The following KIAA0825 variants were observed in gnomAD, a reference collection of about 807,000 sequenced individuals.
KIAA0825 encodes uncharacterized protein KIAA0825.
A neutral mutation model predicts 147.6 loss-of-function variants in KIAA0825; 119 were observed. The ratio of observed to expected loss-of-function variants is 0.81; its 90% CI spans 0.69 to 0.94. KIAA0825 has a LOEUF of 0.94. Ranked by LOEUF, KIAA0825 falls within the 40% of genes least tolerant of loss-of-function variation. The pLI, the probability that KIAA0825 is intolerant of heterozygous loss-of-function variation, is 0.00. For missense variants in KIAA0825, 1,381 were observed against 1,472.7 expected (o/e 0.94, Z 1.02); for synonymous variants, 470 against 518.1 (o/e 0.91, Z 1.26).
intron 5 of KIAA0825, among the ~76,000 whole-genome samples, chr5:94,489,266 C>T (rs1041433030): frequency 1.3e-5 from 2 of 152,166 alleles, no homozygotes; most frequent in Non-Finnish European, 2.9e-5. Flanking sequence ...CGAAGTCCAT[C>T]TTTGGCTCTC....
intron 20 of KIAA0825, among the ~76,000 whole-genome samples, chr5:94,192,291 T>G (rs1017717183): frequency 6.6e-6 from 1 of 152,222 alleles, no homozygotes; most frequent in African/African-American, 2.4e-5. Flanking sequence ...TGTATAATAT[T>G]CTTGGCTTCA....
chr5:94,227,608 T>C (rs1481428246), intron 20 of KIAA0825, among the ~76,000 whole-genome samples: 1 of 144,530 alleles, frequency 6.9e-6, no homozygotes, highest in Non-Finnish European at 1.5e-5. Context: ...AAAAAGAAAA[T>C]ATGGCGCAAA....
chr5:94,466,556 A>AAGAAACCCCGTCTTTACTC (rs1190377668), intron 10 of KIAA0825, among the ~76,000 whole-genome samples: 11 of 151,908 alleles, frequency 7.2e-5, no homozygotes, highest in South Asian at 2.1e-4. Context: ...CGTCTCTACT[A>AAGAAACCCCGTCTTTACTC]AGAAACCCCA....
At chr5:94,477,250 A>T (rs1761998416) in intron 6 of KIAA0825, 45 bp from the exon 7 acceptor site, 1 of 1,247,118 alleles carries the variant, frequency 8.0e-7, no homozygotes, top group Non-Finnish European at 1.1e-6. Flanking sequence ...TATATTGTTT[A>T]AAAAGCATAC....
chr5:94,429,076 C>A (rs1216158454), intron 14 of KIAA0825, among the ~76,000 whole-genome samples: 3 of 151,956 alleles, frequency 2.0e-5, no homozygotes, highest in African/African-American at 4.8e-5. Flanking sequence ...ATATTTTGTT[C>A]TTTCTTAATT....
At chr5:94,168,905 A>C (rs1355767085) in intron 20 of KIAA0825, among the ~76,000 whole-genome samples, 1 of 152,222 alleles carries the variant, frequency 6.6e-6, no homozygotes, top group Non-Finnish European at 1.5e-5. Flanking sequence ...CCATATATTT[A>C]ACTGTTACAT....
intron 20 of KIAA0825, among the ~76,000 whole-genome samples, chr5:94,325,943 G>GT (rs925816445): frequency 5.9e-5 from 9 of 151,540 alleles, no homozygotes; most frequent in East Asian, 3.9e-4. Context: ...TAATATCAGA[G>GT]TTTTTTTTCA....
chr5:94,152,830 A>G lies in KIAA0825; in HGVS notation c.*1177T>C, dbSNP rs1393405099. 4.8e-5 allele frequency: 1 copy of G among 20,948 alleles called. No homozygotes were observed. Among genetic ancestry groups the G allele is most frequent in the Non-Finnish European group, 1.0e-4 (1 of 10,028 alleles). 1.3% of individuals were successfully genotyped at this position (20,948 alleles called of 1,614,324 possible). On this transcript the variant is annotated 3_prime_UTR_variant, in exon 21 of 21. Coordinates refer to ENST00000682413, the MANE Select transcript of KIAA0825 (RefSeq NM_001145678.3). ...ACCCTGTTTCTAAAATGAAAAAAAA[A>G]AAAAAAAAAAAAAAAAAAAAAAAAA...
At chr5:94,444,749 T>A (rs187344342) in intron 13 of KIAA0825, among the ~76,000 whole-genome samples, 3 of 152,184 alleles carry the variant, frequency 2.0e-5, no homozygotes, top group Admixed American at 2.0e-4. Flanking sequence ...GAATAAATTG[T>A]AACCAGCTAT....
At position 94,151,365 on chromosome 5, in the gene KIAA0825, C is replaced by T. The variant is rs560780184; in HGVS notation, c.*2642G>A. The stretch of plus-strand genomic sequence containing the variant: ...CCGGGAAGCGGAGCTTGCAGTGAGC[C>T]GAGATTGCGCCACTGCAGTCCGCAG... On this transcript the variant is annotated 3_prime_UTR_variant, in exon 21 of 21. Coordinates refer to ENST00000682413, the MANE Select transcript of KIAA0825 (RefSeq NM_001145678.3). Among the ~76,000 whole-genome samples, 356 of 136,052 alleles carry T rather than the reference C, an allele frequency of 2.6e-3. 1 individual carries two copies. The highest frequency in any genetic ancestry group is 9.3e-3 in the African/African-American group (335 of 36,012). The allele number at this position is 136,052 out of a possible 152,430, so 89.3% of individuals were successfully genotyped here. A position where few individuals can be genotyped will look rare whatever the true frequency, so the allele number is the denominator to read the frequency against.
intron 20 of KIAA0825, among the ~76,000 whole-genome samples, chr5:94,265,605 C>A (rs1776708323): frequency 6.6e-6 from 1 of 152,094 alleles, no homozygotes; most frequent in African/African-American, 2.4e-5. Context: ...TTGAGACCAG[C>A]CTGGCCAACA....
At chr5:94,312,220 G>GGTGT (rs142667357) in intron 20 of KIAA0825, among the ~76,000 whole-genome samples, 4,672 of 149,416 alleles carry the variant, frequency 0.031, 94 homozygotes, top group Middle Eastern at 0.066. Flanking sequence ...TAATATACAT[G>GGTGT]GTGTGTGTGT....
At chr5:94,547,328 A>G (rs2151416091) in intron 2 of KIAA0825, among the ~76,000 whole-genome samples, 1 of 151,214 alleles carries the variant, frequency 6.6e-6, no homozygotes, top group Admixed American at 6.6e-5. Flanking sequence ...CCTCAAACTT[A>G]GAGAGGTATA....
At chr5:94,613,585 T>G (rs897737612) in intron 1 of KIAA0825, among the ~76,000 whole-genome samples, 5 of 152,238 alleles carry the variant, frequency 3.3e-5, no homozygotes, top group African/African-American at 1.2e-4. Flanking sequence ...CCAGGTGCAG[T>G]ACCTGTCATA....
Position 94,431,941 on chromosome 5 carries a change from G to C in KIAA0825, c.2497+8041C>G, listed in dbSNP as rs72771674. ...TGCAGGGGATTGTTGGTGTTGCAAG[G>C]ATTAGGGCTCTTACTCTAAAAGCAT... On this transcript the variant is annotated intron_variant, in intron 14 of 20. Coordinates refer to ENST00000682413, the MANE Select transcript of KIAA0825 (RefSeq NM_001145678.3). Among the ~76,000 whole-genome samples the C allele has an allele frequency of 4.6e-3, 698 of 152,258 alleles. 4 individuals are homozygous for C. The highest frequency in any genetic ancestry group is 7.0e-3 in the Non-Finnish European group (476 of 68,010).
intron 2 of KIAA0825, among the ~76,000 whole-genome samples, chr5:94,574,543 C>CAAAAAAAAAAAA (rs1181241238): frequency 3.7e-4 from 24 of 65,520 alleles, no homozygotes; most frequent in South Asian, 7.6e-4. Flanking sequence ...GACTCCATCT[C>CAAAAAAAAAAAA]AAAAAAAAAA....
At chr5:94,506,451 A>G (rs1765749530) in intron 5 of KIAA0825, among the ~76,000 whole-genome samples, 1 of 152,232 alleles carries the variant, frequency 6.6e-6, no homozygotes, top group African/African-American at 2.4e-5. Context: ...CAAAAGTGAG[A>G]TATTAATTCC....
At chr5:94,470,885 CAAGA>C (rs1333106751) in intron 9 of KIAA0825, among the ~76,000 whole-genome samples, 1 of 152,106 alleles carries the variant, frequency 6.6e-6, no homozygotes, top group African/African-American at 2.4e-5. Context: ...GTAAGGGCAA[CAAGA>C]AAGACCATAT....
chr5:94,590,156 G>T (rs1006675557), intron 1 of KIAA0825, among the ~76,000 whole-genome samples: 1 of 152,008 alleles, frequency 6.6e-6, no homozygotes, highest in Admixed American at 6.6e-5. Flanking sequence ...CACCACACCT[G>T]GCTAATTTTT....
Sources: gnomAD v4.1 joint callset for allele counts (sites outside exome capture counted in the v4.1 genomes callset) on GRCh38, gnomAD v4.1.1 for gene constraint, MANE v1.5 for transcripts, NCBI Gene and HGNC (gene_info 2026-07-23, HGNC 2026-07-21) for gene names.